The following CTC1 variants were observed in gnomAD, a reference collection of about 807,000 sequenced individuals.
The protein encoded by CTC1 is CST telomere replication complex component 1.
A neutral mutation model predicts 136.3 loss-of-function variants in CTC1; 91 were observed. That is an observed-to-expected ratio of 0.67 (90% CI 0.56 to 0.79). The LOEUF (loss-of-function observed/expected upper bound fraction) is 0.79, where lower values mean the gene tolerates loss of function less well. Ranked by LOEUF, CTC1 falls within the 30% of genes least tolerant of loss-of-function variation. The pLI is 0.00. For synonymous variants in CTC1, 606 were observed against 613.8 expected (o/e 0.99, Z 0.19); for missense variants, 1,432 against 1,498.1 (o/e 0.96, Z 0.73).
At chr17:8,237,665 C>CAAAAAA (rs71159568) in intron 4 of CTC1, 146 bp from the exon 5 acceptor site, 2 of 58,394 alleles carry the variant, frequency 3.4e-5, no homozygotes, top group Non-Finnish European at 6.3e-5. Flanking sequence ...AACTACGTCT[C>CAAAAAA]AAAAAAAAAA....
Position 8,234,762 on chromosome 17 carries a change from C to T in CTC1, c.1604G>A (p.Cys535Tyr), listed in dbSNP as rs1168530252. ...ACATCCTCATACTTTCTGGAGGGGA[C>T]AGTGATGTGGCTCTTCAAGGATCTC... ...HNEILEEPHH[C>Y]PLQKYTRLQT... is the part of the protein sequence containing the mutation. The change falls in exon 9 of 23, where the codon TGT becomes TAT. Residue 535 changes from cysteine (C) to tyrosine (Y), a missense_variant. Physicochemically the swap from Cys to Tyr is radical, Grantham distance 194. Coordinates refer to ENST00000651323, the MANE Select transcript of CTC1 (RefSeq NM_025099.6). The T allele has an allele frequency of 6.3e-7, 1 of 1,595,370 alleles. No individual in the cohort carries two copies. Among genetic ancestry groups the T allele is most frequent in the Admixed American group, 1.7e-5 (1 of 57,996 alleles).
rs1987941044 is a variant in CTC1, at chr17:8,238,539, G to A, written c.288C>T (p.Ala96=). ...SWSSSAYQAW[A]QEAGPNGNPL... ...GGTTCCCATTTGGTCCAGCCTCTTG[G>A]GCCCAGGCCTGGTATGCACTACTGC... The change falls in exon 3 of 23, where the codon GCC becomes GCT. Residue 96 remains alanine, a synonymous_variant. Transcript: ENST00000651323. 1 of 1,614,050 alleles carries A rather than the reference G, an allele frequency of 6.2e-7. No homozygotes were observed. Among genetic ancestry groups the A allele is most frequent in the East Asian group, 2.2e-5 (1 of 44,892 alleles).
rs767576648 is a variant in CTC1 at position 8,235,281 on chromosome 17, T to C, written c.1211A>G (p.Gln404Arg). ...VMRPGVCLQL[Q>R]DVHLLQSVGG... ...CACTGACTGGAGCAGGTGAACATCC[T>C]GGAGCTGGGGGAAAGCAGAGAAAAT... Residue 404 changes from glutamine to arginine, a missense_variant, in exon 8 of 23, where the codon CAG (glutamine) becomes CGG (arginine). Coordinates refer to ENST00000651323, the MANE Select transcript of CTC1 (RefSeq NM_025099.6). 1 of 1,611,402 alleles carries C rather than the reference T, an allele frequency of 6.2e-7. No homozygotes were observed. Among genetic ancestry groups the C allele is most frequent in the African/African-American group, 1.3e-5 (1 of 74,980 alleles).
At chr17:8,242,247 G>A (rs1226511833) in intron 2 of CTC1, among the ~76,000 whole-genome samples, 1 of 151,860 alleles carries the variant, frequency 6.6e-6, no homozygotes, top group African/African-American at 2.4e-5. Context: ...TGGGCAGGCT[G>A]ACCTCGAACT....
rs1987514657 is a variant in CTC1 at position 8,234,462 on chromosome 17, G to T, written c.1811C>A (p.Pro604Gln). Residue 604 changes from proline to glutamine, a missense_variant, in exon 10 of 23, where the codon CCA (proline) becomes CAA (glutamine). Transcript: ENST00000651323. ...TGCTAGGGTCCCCCTTACCTGGGCT[G>T]GGCAGAAGGCAGAGGGCAGCAGACA... ...WLCLLPSAFC[P>Q]AQVLLGVLVA... 1 of 1,551,880 alleles carries T rather than the reference G, an allele frequency of 6.4e-7. No individual in the cohort carries two copies. The highest frequency in any genetic ancestry group is 2.0e-5 in the Admixed American group (1 of 51,004).
In CTC1 at chr17:8,232,186, G is replaced by A. The variant is rs777252472; in HGVS notation, c.2102C>T (p.Pro701Leu). Residue 701 changes from proline (P) to leucine (L), a missense_variant, in exon 13 of 23, where the codon CCT becomes CTT. Pro to Leu is a moderately conservative substitution (Grantham distance 98). Transcript: ENST00000651323. Reference sequence around the variant, plus strand: ...TGAATGAAGGCAGGGTCTGGGCACAGGCAGGATCAGGGCATCAGCCAGAAA... The same window carrying A: ...TGAATGAAGGCAGGGTCTGGGCACAAGCAGGATCAGGGCATCAGCCAGAAA... ...QFFLADALIL[P>L]VPRPCLHSAT... The A allele has an allele frequency of 6.5e-7, 1 of 1,527,594 alleles. No homozygotes were observed. The highest frequency in any genetic ancestry group is 1.3e-5 in the South Asian group (1 of 75,774). 94.6% of individuals were successfully genotyped at this position (1,527,594 alleles called of 1,614,324 possible). A position where few individuals can be genotyped will look rare whatever the true frequency, so the allele number is the denominator to read the frequency against.
chr17:8,247,979 CAA>C, intron 1 of CTC1, 23 bp downstream of exon 1: 1 of 1,602,714 alleles, frequency 6.2e-7, no homozygotes, highest in South Asian at 1.1e-5. Context: ...AAAAAAGGAA[CAA>C]GAGACGTAAT....
At position 8,231,279 on chromosome 17, in the gene CTC1, T is replaced by C. The variant is rs772472897; in HGVS notation, c.2666A>G (p.Asp889Gly). 5.2e-6 allele frequency: 8 copies of C among 1,550,580 alleles called. No individual in the cohort carries two copies. The highest frequency in any genetic ancestry group is 6.1e-6 in the Non-Finnish European group (7 of 1,141,356). ...GAGGGGCTTGGTGGACATTTACTTG[T>C]CACTGAGCAGGTCGGTCAGTGAGGA... is the stretch of plus-strand genomic sequence containing the variant. Reference protein sequence around the residue: ...PESSLTDLLSDNFTDSLVSFS... With the variant: ...PESSLTDLLSGNFTDSLVSFS... The change falls in exon 15 of 23, where the codon GAC becomes GGC. Residue 889 changes from aspartate to glycine, a missense_variant. Coordinates refer to ENST00000651323, the MANE Select transcript of CTC1 (RefSeq NM_025099.6).
rs1385924080 is a variant in CTC1, at chr17:8,243,133, C to T, written c.49G>A (p.Glu17Lys). The T allele has an allele frequency of 4.3e-6, 7 of 1,613,644 alleles. No homozygotes were observed. The highest frequency in any genetic ancestry group is 3.3e-5 in the Admixed American group (2 of 59,946). Residue 17 changes from glutamate to lysine, a missense_variant, in exon 2 of 23, where the codon GAG becomes AAG. Physicochemically the swap from Glu to Lys is moderately conservative, Grantham distance 56. Coordinates refer to ENST00000651323, the MANE Select transcript of CTC1 (RefSeq NM_025099.6). ...TTTTGGATGAAGACCTGAGCATCCT[C>T]AAGCCAGGCTTGTTCCTGAGGAAAG... ...QVPSSEQAWL[E>K]DAQVFIQKTL...
rs911924888 is a variant in CTC1 at position 8,235,177 on chromosome 17, G to A, written c.1315C>T (p.Pro439Ser). 6.2e-7 allele frequency: 1 copy of A among 1,614,174 alleles called. No homozygotes were observed. The highest frequency in any genetic ancestry group is 8.5e-7 in the Non-Finnish European group (1 of 1,180,038). Residue 439 changes from proline (P) to serine (S), a missense_variant, in exon 8 of 23, where the codon CCT becomes TCT. Pro to Ser is a moderately conservative substitution (Grantham distance 74, BLOSUM62 -1). Transcript: ENST00000651323. ...VLLQSFSRQK[P>S]GAHSSRQAYG... The stretch of plus-strand genomic sequence containing the variant: ...GCTTGACGGGATGAGTGAGCCCCAG[G>A]CTTCTGACGAGAGAAGCTTTGAAGC...
rs775257677 is a variant in CTC1, at chr17:8,238,586, A to G, written c.241T>C (p.Cys81Arg). The change falls in exon 3 of 23, where the codon TGC becomes CGC. Residue 81 changes from cysteine (C) to arginine (R), a missense_variant. By Grantham distance (180) the Cys-to-Arg change is radical. Transcript: ENST00000651323. ...CTGCTCCACGACAGGTGGCTGCAGC[A>G]TGGGAGACGCTGGTGAGTCTTGAGG... is the stretch of plus-strand genomic sequence containing the variant. ...QDLKTHQRLP[C>R]CSHLSWSSSA... 16 of 1,613,504 alleles carry G rather than the reference A, an allele frequency of 9.9e-6. No individual in the cohort carries two copies. The highest frequency in any genetic ancestry group is 1.3e-5 in the Non-Finnish European group (15 of 1,179,676).
In CTC1 at chr17:8,228,724, C is replaced by T. The variant is rs2151498493; in HGVS notation, c.3387+3G>A. On this transcript the variant is annotated splice_donor_region_variant and intron_variant, in intron 21 of 22. Coordinates refer to ENST00000651323, the MANE Select transcript of CTC1 (RefSeq NM_025099.6). ...GAGTCCCTCCCTCCCAGCCACATTA[C>T]ACCTCAAGTTGGGCTCCAGGCCCTG... 4.3e-6 allele frequency: 7 copies of T among 1,614,014 alleles called. No individual in the cohort carries two copies. The highest frequency in any genetic ancestry group is 5.9e-6 in the Non-Finnish European group (7 of 1,179,940).
rs1987216612 is a variant in CTC1, at chr17:8,231,449, C to T, written c.2496G>A (p.Lys832=). 6.2e-7 allele frequency: 1 copy of T among 1,610,262 alleles called. No homozygotes were observed. The highest frequency in any genetic ancestry group is 1.3e-5 in the African/African-American group (1 of 74,924). The part of the protein sequence containing the change: ...PGPATPMLFE[K]DGSSCISRRP... ...GCCGAGATATGCAGGATGAACCATCCTTTTCAAACAACATTGGTGTCTGCA... is the reference window on the plus strand; with the variant it reads ...GCCGAGATATGCAGGATGAACCATCTTTTTCAAACAACATTGGTGTCTGCA... Residue 832 remains lysine, a synonymous_variant, in exon 15 of 23, where the codon AAG becomes AAA. Transcript: ENST00000651323.
At position 8,232,022 on chromosome 17, in the gene CTC1, C is replaced by T. The variant is rs200779057; in HGVS notation, c.2266G>A (p.Val756Met). The T allele has an allele frequency of 2.8e-5, 44 of 1,589,744 alleles. No homozygotes were observed. The highest frequency in any genetic ancestry group is 3.6e-5 in the Non-Finnish European group (42 of 1,171,348). Residue 756 changes from valine to methionine, a missense_variant, in exon 13 of 23, where the codon GTG becomes ATG. Transcript: ENST00000651323. The part of the protein sequence containing the change: ...FCVPPGASPE[V>M]PKPALSFYVL... ...TAGAAACTGAGGGCGGGCTTGGGCA[C>T]CTCTGGACTTGCTCCTGGGGGGACA...
chr17:8,225,940 T>A lies in CTC1; in HGVS notation c.*2240A>T, dbSNP rs2151490478. The A allele has an allele frequency of 6.6e-6, 1 of 152,212 alleles. No individual in the cohort carries two copies. The highest frequency in any genetic ancestry group is 2.4e-5 in the African/African-American group (1 of 41,516). 9.4% of individuals were successfully genotyped at this position (152,212 alleles called of 1,614,324 possible). On this transcript the variant is annotated 3_prime_UTR_variant, in exon 23 of 23. Coordinates refer to ENST00000651323, the MANE Select transcript of CTC1 (RefSeq NM_025099.6). ...ACGTCCTAGGGTGGAGAAAGAGGCC[T>A]GGAAGGTGGGCAGCCCCTTCCATCG...
chr17:8,237,665 C>CA (rs71159568), intron 4 of CTC1, 146 bp from the exon 5 acceptor site: 605 of 58,384 alleles, frequency 0.01, 200 homozygotes, highest in Non-Finnish European at 0.013. Flanking sequence ...AACTACGTCT[C>CA]AAAAAAAAAA....
chr17:8,238,691 C>T lies in CTC1; in HGVS notation c.198-62G>A, dbSNP rs538355209. On this transcript the variant is annotated intron_variant, in intron 2 of 22. Coordinates refer to ENST00000651323, the MANE Select transcript of CTC1 (RefSeq NM_025099.6). ...GGTCCAAGCCTACTAAGGCAACCCT[C>T]AACCCTGATAAACCCTCAAGAGCCC... 5.7e-5 allele frequency: 71 copies of T among 1,242,464 alleles called. No homozygotes were observed. In the Middle Eastern group the frequency reaches 7.6e-3, roughly 133 times the overall value. The allele number at this position is 1,242,464 out of a possible 1,614,324, so 77.0% of individuals were successfully genotyped here. A position where few individuals can be genotyped will look rare whatever the true frequency, so the allele number is the denominator to read the frequency against.
rs141632364 is a variant in CTC1 at position 8,227,075 on chromosome 17, C to G, written c.*1105G>C. 16 of 150,836 alleles carry G rather than the reference C, an allele frequency of 1.1e-4. No homozygotes were observed. Among genetic ancestry groups the G allele is most frequent in the African/African-American group, 3.0e-4 (12 of 40,038 alleles). The allele number at this position is 150,836 out of a possible 1,614,324, so 9.3% of individuals were successfully genotyped here. A position where few individuals can be genotyped will look rare whatever the true frequency, so the allele number is the denominator to read the frequency against. Reference sequence around the variant, plus strand: ...CTGAGCTAACCGGCCACTAACTTTCCGGGTCTACTTCAAATCTTAATATAG... The same window carrying G: ...CTGAGCTAACCGGCCACTAACTTTCGGGGTCTACTTCAAATCTTAATATAG... On this transcript the variant is annotated 3_prime_UTR_variant, in exon 23 of 23. Coordinates refer to ENST00000651323, the MANE Select transcript of CTC1 (RefSeq NM_025099.6).
At chr17:8,231,674 C>A in intron 14 of CTC1, 52 bp downstream of exon 14, 2 of 1,560,294 alleles carry the variant, frequency 1.3e-6, no homozygotes, top group Non-Finnish European at 8.8e-7. Context: ...TCTTTAGACC[C>A]CAACCCCAAA....
Sources: gnomAD v4.1 joint callset for allele counts (sites outside exome capture counted in the v4.1 genomes callset) on GRCh38, gnomAD v4.1.1 for gene constraint, MANE v1.5 for transcripts, NCBI Gene and HGNC (gene_info 2026-07-23, HGNC 2026-07-21) for gene names.